MTHFD1L: variants seen among roughly 807,000 people sequenced by gnomAD.
MTHFD1L encodes the protein monofunctional C1-tetrahydrofolate synthase, mitochondrial.
In MTHFD1L, 81 loss-of-function variants were observed where a neutral mutation model predicts 119.5. The ratio of observed to expected loss-of-function variants is 0.68; its 90% CI spans 0.57 to 0.82. The LOEUF (loss-of-function observed/expected upper bound fraction) is 0.82, where lower values mean the gene tolerates loss of function less well. Among genes scored for constraint, MTHFD1L ranks in the 40% least tolerant of loss-of-function variants. MTHFD1L has a pLI of 0.00. For missense variants in MTHFD1L, 1,125 were observed against 1,253.4 expected (o/e 0.90, Z 1.55); for synonymous variants, 430 against 475.2 (o/e 0.90, Z 1.24).
chr6:150,969,232 T>C (rs1247998370), intron 19 of MTHFD1L, among the ~76,000 whole-genome samples: 1 of 152,192 alleles, frequency 6.6e-6, no homozygotes, highest in Non-Finnish European at 1.5e-5. Flanking sequence ...TCCGTCTGCC[T>C]CTGCCTCTCA....
At chr6:151,092,349 C>A in intron 26 of MTHFD1L, 118 bp from the exon 27 acceptor site, 1 of 699,612 alleles carries the variant, frequency 1.4e-6, no homozygotes, top group African/African-American at 1.8e-5. Context: ...AGATATATCC[C>A]ATATAAAACC....
chr6:150,896,375 C>G (rs1784213556), intron 7 of MTHFD1L, among the ~76,000 whole-genome samples: 1 of 152,192 alleles, frequency 6.6e-6, no homozygotes, highest in Non-Finnish European at 1.5e-5. Flanking sequence ...GCTCCCCTTT[C>G]AGAGGGGATG....
intron 1 of MTHFD1L, among the ~76,000 whole-genome samples, chr6:150,872,953 C>T (rs769112331): frequency 6.6e-6 from 1 of 151,844 alleles, no homozygotes; most frequent in African/African-American, 2.4e-5. Flanking sequence ...TGAGCCACTG[C>T]GCCCAGCCCC....
intron 27 of MTHFD1L, among the ~76,000 whole-genome samples, chr6:151,094,632 C>T (rs1044015773): frequency 2.0e-5 from 3 of 152,222 alleles, no homozygotes; most frequent in Non-Finnish European, 4.4e-5. Context: ...CAACCTCTGT[C>T]TCCTGGGTTC....
chr6:150,885,669 G>A lies in MTHFD1L; in HGVS notation c.578G>A (p.Gly193Glu). ...TDINLGKLVR[G>E]DAHECFVSPV... ...ATAAACCTGGGGAAGCTGGTGCGAG[G>A]GGATGCCCATGAATGTTTTGTTTCA... The change falls in exon 6 of 28, where the codon GGG becomes GAG. Residue 193 changes from glycine to glutamate, a missense_variant. Coordinates refer to ENST00000367321, the MANE Select transcript of MTHFD1L (RefSeq NM_015440.5). 6.2e-7 allele frequency: 1 copy of A among 1,614,026 alleles called. No homozygotes were observed. The highest frequency in any genetic ancestry group is 8.5e-7 in the Non-Finnish European group (1 of 1,179,960).
intron 11 of MTHFD1L, among the ~76,000 whole-genome samples, chr6:150,929,228 A>G (rs1421403874): frequency 6.6e-6 from 1 of 152,208 alleles, no homozygotes; most frequent in Non-Finnish European, 1.5e-5. Context: ...TGCAATTAAT[A>G]AACAAACTCT....
chr6:151,090,650 T>G (rs1254739525), intron 26 of MTHFD1L, among the ~76,000 whole-genome samples: 2 of 152,246 alleles, frequency 1.3e-5, no homozygotes, highest in Admixed American at 1.3e-4. Context: ...CCTTTTACAC[T>G]GAGAACTTTT....
chr6:151,014,879 GAA>G lies in MTHFD1L; in HGVS notation c.2308_2309del (p.Asn770HisfsTer10). ...VPLKKEYTEE[N>X]IQLVADGCCN... The stretch of plus-strand genomic sequence containing the variant: ...GGGTTTTGCTTTTTTCTTTTTTACA[GAA>G]CATCCAGCTGGTGGCAGACGGCTGC... On this transcript the variant is annotated frameshift_variant and splice_region_variant, in exon 23 of 28. Coordinates refer to ENST00000367321, the MANE Select transcript of MTHFD1L (RefSeq NM_015440.5). LOFTEE classifies it high-confidence loss of function. 6.2e-7 allele frequency: 1 copy of G among 1,613,678 alleles called. No individual in the cohort carries two copies. The highest frequency in any genetic ancestry group is 8.5e-7 in the Non-Finnish European group (1 of 1,179,828).
intron 7 of MTHFD1L, among the ~76,000 whole-genome samples, chr6:150,893,543 T>G (rs908045826): frequency 6.6e-6 from 1 of 152,222 alleles, no homozygotes; most frequent in Non-Finnish European, 1.5e-5. Context: ...ATTTCTGTTG[T>G]GCTTATTTGT....
chr6:151,009,598 G>A (rs1392712671), intron 20 of MTHFD1L, among the ~76,000 whole-genome samples: 1 of 152,140 alleles, frequency 6.6e-6, no homozygotes, highest in African/African-American at 2.4e-5. Flanking sequence ...GCCACCACAA[G>A]GAATCCCTCA....
intron 26 of MTHFD1L, among the ~76,000 whole-genome samples, chr6:151,077,554 A>T (rs1792657500): frequency 6.6e-6 from 1 of 152,142 alleles, no homozygotes; most frequent in Non-Finnish European, 1.5e-5. Context: ...GGTGGCACGC[A>T]TCTGTAATCC....
intron 7 of MTHFD1L, among the ~76,000 whole-genome samples, chr6:150,895,165 A>G (rs1784014182): frequency 6.6e-6 from 1 of 152,198 alleles, no homozygotes; most frequent in Non-Finnish European, 1.5e-5. Flanking sequence ...CAGGGGAATG[A>G]CACTGTTGGT....
intron 26 of MTHFD1L, chr6:151,088,455 T>A (rs1284775443): frequency 6.6e-6 from 1 of 152,112 alleles, no homozygotes; most frequent in Non-Finnish European, 1.5e-5. Flanking sequence ...GGCTAGTTTT[T>A]GTTTGTTTGT....
At chr6:150,996,653 G>A (rs1465324782) in intron 20 of MTHFD1L, among the ~76,000 whole-genome samples, 1 of 152,128 alleles carries the variant, frequency 6.6e-6, no homozygotes, top group Non-Finnish European at 1.5e-5. Context: ...TACAGCCCCA[G>A]GCCTGAGCAG....
At chr6:150,874,417 C>A (rs1337049709) in intron 1 of MTHFD1L, among the ~76,000 whole-genome samples, 2 of 152,196 alleles carry the variant, frequency 1.3e-5, no homozygotes, top group Non-Finnish European at 2.9e-5. Context: ...AACTGCAGTG[C>A]CTCTGGTTCC....
At chr6:150,952,437 G>A (rs991853539) in intron 16 of MTHFD1L, among the ~76,000 whole-genome samples, 5 of 152,182 alleles carry the variant, frequency 3.3e-5, no homozygotes, top group Admixed American at 6.6e-5. Context: ...CAGGGTGCAC[G>A]GTGGTGGGAG....
chr6:150,998,688 T>C (rs1780160050), intron 20 of MTHFD1L, among the ~76,000 whole-genome samples: 1 of 150,296 alleles, frequency 6.7e-6, no homozygotes, highest in Non-Finnish European at 1.5e-5. Flanking sequence ...TTAAAACTAT[T>C]GTCCAGGGCC....
intron 1 of MTHFD1L, among the ~76,000 whole-genome samples, chr6:150,872,211 G>A (rs1404380225): frequency 6.6e-6 from 1 of 152,086 alleles, no homozygotes; most frequent in African/African-American, 2.4e-5. Flanking sequence ...GTGTATCCAC[G>A]GGAGTAGCAC....
intron 26 of MTHFD1L, among the ~76,000 whole-genome samples, chr6:151,040,300 AGGTAGTTTACAGGT>A (rs1786900590): frequency 6.6e-6 from 1 of 152,240 alleles, no homozygotes; most frequent in South Asian, 2.1e-4. Context: ...TCTCTGCTTC[AGGTAGTTTACAGGT>A]GGTAGACGCA....
Sources: gnomAD v4.1 joint callset for allele counts (sites outside exome capture counted in the v4.1 genomes callset) on GRCh38, gnomAD v4.1.1 for gene constraint, MANE v1.5 for transcripts, NCBI Gene and HGNC (gene_info 2026-07-23, HGNC 2026-07-21) for gene names.